Variants in TAF8 observed in about 807,000 individuals in gnomAD.
TAF8 encodes the protein transcription initiation factor TFIID subunit 8.
TAF8 carries 47 observed loss-of-function variants against 36.5 expected under a neutral mutation model. That is an observed-to-expected ratio of 1.29 (90% CI 1.02 to 1.64). The LOEUF is 1.64. TAF8 is among the 40% of genes most tolerant of loss of function. The pLI is 0.00. For synonymous variants in TAF8, 175 were observed against 159.5 expected (o/e 1.10, Z -0.73); for missense variants, 420 against 407.6 (o/e 1.03, Z -0.26).
chr6:42,059,091 T>C (rs529363871), intron 5 of TAF8, among the ~76,000 whole-genome samples: 10 of 151,850 alleles, frequency 6.6e-5, no homozygotes, highest in Admixed American at 1.3e-4. Context: ...GATGAAACCA[T>C]AGGGACTCAG....
chr6:42,066,161 A>G, intron 5 of TAF8, 151 bp from the exon 6 acceptor site: 1 of 925,992 alleles, frequency 1.1e-6, no homozygotes, highest in Non-Finnish European at 1.6e-6. Context: ...TTGGCCTCCC[A>G]AAGTGCTGGG....
Position 42,079,489 on chromosome 6 carries a change from G to A in TAF8, c.*1944G>A, listed in dbSNP as rs1582252483. 1.0e-6 allele frequency: 1 copy of A among 985,418 alleles called. No individual in the cohort carries two copies. Among genetic ancestry groups the A allele is most frequent in the Non-Finnish European group, 1.2e-6 (1 of 829,936 alleles). The allele number at this position is 985,418 out of a possible 1,614,324, so 61.0% of individuals were successfully genotyped here. A position where few individuals can be genotyped will look rare whatever the true frequency, so the allele number is the denominator to read the frequency against. Reference sequence around the variant, plus strand: ...CAACACGTGGAAGTGAACACTGGATGAATAAGCTTGTTTCCCAAATTAGAA... The same window carrying A: ...CAACACGTGGAAGTGAACACTGGATAAATAAGCTTGTTTCCCAAATTAGAA... On this transcript the variant is annotated 3_prime_UTR_variant, in exon 9 of 9. Coordinates refer to ENST00000372977, the MANE Select transcript of TAF8 (RefSeq NM_138572.3).
downstream of TAF8, among the ~76,000 whole-genome samples, chr6:42,084,349 T>G (rs62415900): frequency 6.6e-6 from 1 of 152,086 alleles, no homozygotes; most frequent in Non-Finnish European, 1.5e-5. Context: ...TGCTAAGCAC[T>G]TCACATAAAT....
intron 5 of TAF8, among the ~76,000 whole-genome samples, chr6:42,059,333 T>C (rs923541945): frequency 3.3e-5 from 5 of 150,620 alleles, no homozygotes; most frequent in Admixed American, 6.7e-5. Flanking sequence ...CAGTGAGCCG[T>C]GATTGCACCA....
chr6:42,060,747 T>C (rs1765162614), intron 5 of TAF8, among the ~76,000 whole-genome samples: 1 of 152,198 alleles, frequency 6.6e-6, no homozygotes, highest in South Asian at 2.1e-4. Context: ...AAAGCCTTGG[T>C]AAAATAACCA....
chr6:42,065,359 T>TAATAA (rs1765326041), intron 5 of TAF8, among the ~76,000 whole-genome samples: 1 of 151,992 alleles, frequency 6.6e-6, no homozygotes, highest in South Asian at 2.1e-4. Flanking sequence ...AAAATAAAAA[T>TAATAA]AATAAAATAA....
At chr6:42,053,241 G>T (rs1034253544) in intron 2 of TAF8, among the ~76,000 whole-genome samples, 64 of 152,062 alleles carry the variant, frequency 4.2e-4, no homozygotes, top group Admixed American at 3.7e-3. Context: ...AGTAGCTTTT[G>T]TATATGTGTA....
chr6:42,074,771 A>C (rs1765689005), intron 7 of TAF8, among the ~76,000 whole-genome samples: 1 of 151,422 alleles, frequency 6.6e-6, no homozygotes, highest in Admixed American at 6.6e-5. Context: ...TCTTCACCTC[A>C]GGTGATCCAC....
At chr6:42,083,337 G>A (rs1765973878), downstream of TAF8, 1 of 152,206 alleles carries the variant, frequency 6.6e-6, no homozygotes, top group Admixed American at 6.5e-5. Flanking sequence ...TGGGCATTTA[G>A]GTGGTTTCCA....
chr6:42,080,011 G>C lies in TAF8; in HGVS notation c.*2466G>C. ...GGACGCTAGTAAAAAAAAAAAAATT[G>C]GATTCCCCAACTGGACTAAATAGGA... On this transcript the variant is annotated 3_prime_UTR_variant, in exon 9 of 9. Transcript: ENST00000372977. 4 of 971,038 alleles carry C rather than the reference G, an allele frequency of 4.1e-6. No homozygotes were observed. Among genetic ancestry groups the C allele is most frequent in the Non-Finnish European group, 4.9e-6 (4 of 817,544 alleles). 60.2% of individuals were successfully genotyped at this position (971,038 alleles called of 1,614,324 possible).
At chr6:42,077,348 C>T (rs78157979) in intron 8 of TAF8, 109 bp downstream of exon 8, 113,843 of 1,502,024 alleles carry the variant, frequency 0.076, 4,818 homozygotes, top group Middle Eastern at 0.1. Context: ...GAAAGCCACT[C>T]TGGTGAGAGG....
At position 42,079,098 on chromosome 6, in the gene TAF8, G is replaced by C; in HGVS notation, c.*1553G>C. 7 of 925,014 alleles carry C rather than the reference G, an allele frequency of 7.6e-6. No homozygotes were observed. In the South Asian group the frequency reaches 2.5e-4, roughly 33 times the overall value. 57.3% of individuals were successfully genotyped at this position (925,014 alleles called of 1,614,324 possible). ...GATCGTGCCACTGCACTCCAGCCTG[G>C]GTGACAGAGCGAGACTCCATTTCAA... On this transcript the variant is annotated 3_prime_UTR_variant, in exon 9 of 9. Transcript: ENST00000372977.
chr6:42,053,575 AAAAG>A (rs1582212284), intron 2 of TAF8, among the ~76,000 whole-genome samples: 2 of 147,174 alleles, frequency 1.4e-5, no homozygotes, highest in East Asian at 3.9e-4. Context: ...CAAAAAAAAA[AAAAG>A]AAAAAAAAAG....
chr6:42,066,309 T>C lies in TAF8; in HGVS notation c.490-3T>C. 1 of 1,613,758 alleles carries C rather than the reference T, an allele frequency of 6.2e-7. No homozygotes were observed. Among genetic ancestry groups the C allele is most frequent in the Non-Finnish European group, 8.5e-7 (1 of 1,180,018 alleles). On this transcript the variant is annotated splice_polypyrimidine_tract_variant and splice_region_variant and intron_variant, in intron 5 of 8. Coordinates refer to ENST00000372977, the MANE Select transcript of TAF8 (RefSeq NM_138572.3). The stretch of plus-strand genomic sequence containing the variant: ...CCCAGTGTCTTTGCTGCTCTCTTCG[T>C]AGACGTACCGTGAGCCCGTGTCAGA...
intron 2 of TAF8, among the ~76,000 whole-genome samples, chr6:42,054,770 A>G (rs1274934627): frequency 6.6e-6 from 1 of 151,090 alleles, no homozygotes; most frequent in Non-Finnish European, 1.5e-5. Context: ...TCACCTGGCT[A>G]ATTTTTTATA....
chr6:42,060,293 C>T (rs1399430920), intron 5 of TAF8, among the ~76,000 whole-genome samples: 1 of 152,212 alleles, frequency 6.6e-6, no homozygotes, highest in African/African-American at 2.4e-5. Flanking sequence ...TAATTTTTCT[C>T]TCTCCAGTCC....
chr6:42,060,734 G>A (rs921869843), intron 5 of TAF8, among the ~76,000 whole-genome samples: 5 of 152,140 alleles, frequency 3.3e-5, no homozygotes, highest in African/African-American at 1.2e-4. Context: ...TGCCATTCCA[G>A]TCAAAGCCTT....
intron 5 of TAF8, among the ~76,000 whole-genome samples, chr6:42,061,343 A>C (rs183586666): frequency 6.6e-6 from 1 of 152,234 alleles, no homozygotes; most frequent in Non-Finnish European, 1.5e-5. Context: ...AATACAGTCT[A>C]AAGTAAACCA....
At chr6:42,068,372 G>A in intron 6 of TAF8, 93 bp from the exon 7 acceptor site, 1 of 1,403,474 alleles carries the variant, frequency 7.1e-7, no homozygotes, top group South Asian at 1.2e-5. Context: ...ATCTTCTGGT[G>A]CTGCTCACTG....
Sources: allele counts gnomAD v4.1 joint callset (sites outside exome capture counted in the v4.1 genomes callset), GRCh38; gene constraint gnomAD v4.1.1; transcripts MANE v1.5; gene names NCBI Gene and HGNC (gene_info 2026-07-23, HGNC 2026-07-21).